The following MARCHF7 variants were observed in gnomAD, a reference collection of about 807,000 sequenced individuals.
The protein encoded by MARCHF7 is E3 ubiquitin-protein ligase MARCHF7.
A neutral mutation model predicts 76.5 loss-of-function variants in MARCHF7; 20 were observed. The observed-to-expected ratio is 0.26, with a 90% confidence interval of 0.18 to 0.38. MARCHF7 has a LOEUF of 0.38. Among genes scored for constraint, MARCHF7 ranks in the 10% least tolerant of loss-of-function variants. The probability of loss-of-function intolerance (pLI) is 1.00; values close to 1 mark genes in which losing one functional copy is unlikely to be tolerated. For missense variants in MARCHF7, 797 were observed against 812.9 expected (o/e 0.98, Z 0.24); for synonymous variants, 295 against 293.0 (o/e 1.01, Z -0.07).
chr2:159,728,960 G>T (rs754961652), intron 3 of MARCHF7, 49 bp from the exon 4 acceptor site: 2 of 1,209,400 alleles, frequency 1.7e-6, no homozygotes, highest in Non-Finnish European at 2.3e-6. Flanking sequence ...AAGCATTAAA[G>T]GCTTTCATAT....
chr2:159,765,261 G>A (rs560959543), intron 11 of MARCHF7, among the ~76,000 whole-genome samples: 87 of 151,552 alleles, frequency 5.7e-4, no homozygotes, highest in Non-Finnish European at 3.1e-4. Context: ...AGCCAGCTCT[G>A]CCAACAGCTC....
chr2:159,719,318 A>G (rs572367866), intron 3 of MARCHF7, among the ~76,000 whole-genome samples: 1 of 152,162 alleles, frequency 6.6e-6, no homozygotes, highest in African/African-American at 2.4e-5. Context: ...GCTGGAAGCC[A>G]CCACAACCAG....
At chr2:159,752,662 A>G in intron 8 of MARCHF7, 91 bp downstream of exon 8, 1 of 1,174,770 alleles carries the variant, frequency 8.5e-7, no homozygotes, top group Non-Finnish European at 1.2e-6. Flanking sequence ...TGTTGAATTT[A>G]GACTTTTAAC....
intron 3 of MARCHF7, among the ~76,000 whole-genome samples, chr2:159,724,592 A>G (rs1161154630): frequency 6.6e-6 from 1 of 152,172 alleles, no homozygotes; most frequent in Non-Finnish European, 1.5e-5. Context: ...ATTTCAGTAT[A>G]TCTCATTTTA....
At chr2:159,762,470 GA>G (rs1475201009) in intron 9 of MARCHF7, among the ~76,000 whole-genome samples, 2 of 152,046 alleles carry the variant, frequency 1.3e-5, no homozygotes, top group East Asian at 3.9e-4. Context: ...ATATTACACA[GA>G]AAAACACTTG....
chr2:159,755,046 C>G (rs1222337267), intron 8 of MARCHF7, among the ~76,000 whole-genome samples: 1 of 152,136 alleles, frequency 6.6e-6, no homozygotes, highest in African/African-American at 2.4e-5. Flanking sequence ...GGTCTTTTGC[C>G]AGGCAAATAT....
At chr2:159,733,382 G>A (rs1283865002) in intron 4 of MARCHF7, 1 of 447,618 alleles carries the variant, frequency 2.2e-6, no homozygotes, top group South Asian at 9.6e-5. Flanking sequence ...GAGAATACAG[G>A]TGTGCACACC....
At chr2:159,724,761 C>T (rs1701980314) in intron 3 of MARCHF7, among the ~76,000 whole-genome samples, 1 of 152,116 alleles carries the variant, frequency 6.6e-6, no homozygotes, top group African/African-American at 2.4e-5. Flanking sequence ...TATACATGTG[C>T]CATGTTGGTG....
intron 11 of MARCHF7, 50 bp from the exon 12 acceptor site, chr2:159,767,234 T>C: frequency 7.3e-7 from 1 of 1,362,784 alleles, no homozygotes; most frequent in Non-Finnish European, 1.0e-6. Flanking sequence ...ACACTTCCCA[T>C]TCTTATCCCC....
chr2:159,727,658 A>G (rs1702330784), intron 3 of MARCHF7, among the ~76,000 whole-genome samples: 1 of 152,242 alleles, frequency 6.6e-6, no homozygotes, highest in Non-Finnish European at 1.5e-5. Flanking sequence ...CCCAAGTGGA[A>G]ACAATCTAGC....
At chr2:159,715,946 C>A (rs180834439) in intron 3 of MARCHF7, among the ~76,000 whole-genome samples, 180 bp downstream of exon 3, 133 of 152,248 alleles carry the variant, frequency 8.7e-4, no homozygotes, top group African/African-American at 3.1e-3. Flanking sequence ...TACTTAAGAT[C>A]GAAACTTGAT....
intron 3 of MARCHF7, among the ~76,000 whole-genome samples, chr2:159,716,604 C>CT (rs1172280770): frequency 6.6e-6 from 1 of 151,910 alleles, no homozygotes; most frequent in Non-Finnish European, 1.5e-5. Context: ...GATTGCACCA[C>CT]TGCACTCTGG....
rs1405506049 is a variant in MARCHF7, at chr2:159,748,775, T to C, written c.1485T>C (p.Asn495=). 1 of 1,614,176 alleles carries C rather than the reference T, an allele frequency of 6.2e-7. No homozygotes were observed. The highest frequency in any genetic ancestry group is 8.5e-7 in the Non-Finnish European group (1 of 1,180,036). Residue 495 remains asparagine (N), a synonymous_variant, in exon 7 of 12, where the codon AAT becomes AAC. Transcript: ENST00000409175. ...CAGTCCCTCCAGCACTTGGGAGTAA[T>C]TTGACCGACAATGTCATGATCACAG... is the stretch of plus-strand genomic sequence containing the variant. ...RFAVPPALGS[N]LTDNVMITVD...
intron 10 of MARCHF7, among the ~76,000 whole-genome samples, chr2:159,763,348 A>G (rs1163856256): frequency 6.6e-6 from 1 of 152,228 alleles, no homozygotes; most frequent in Non-Finnish European, 1.5e-5. Flanking sequence ...GAACTCCAAA[A>G]GCCAAAGAGT....
At chr2:159,756,887 G>GGGAGTTAGTTTGTT (rs2125678801) in intron 8 of MARCHF7, among the ~76,000 whole-genome samples, 1 of 135,400 alleles carries the variant, frequency 7.4e-6, no homozygotes, top group East Asian at 2.2e-4. Context: ...TAAATTAAAT[G>GGGAGTTAGTTTGTT]GGAGTTAGTT....
chr2:159,719,080 A>G (rs562600230), intron 3 of MARCHF7, among the ~76,000 whole-genome samples: 5 of 152,210 alleles, frequency 3.3e-5, no homozygotes, highest in South Asian at 4.1e-4. Context: ...GGCTCAGGCA[A>G]TTCTCCTACC....
intron 10 of MARCHF7, among the ~76,000 whole-genome samples, chr2:159,764,257 C>CGT (rs4027298): frequency 0.027 from 3,246 of 119,892 alleles, 164 homozygotes; most frequent in African/African-American, 0.11. Context: ...TGTGTGTGTG[C>CGT]GCGCGCCCAC....
chr2:159,738,728 G>C (rs1463421464), intron 4 of MARCHF7, among the ~76,000 whole-genome samples: 1 of 152,206 alleles, frequency 6.6e-6, no homozygotes, highest in Non-Finnish European at 1.5e-5. Context: ...GAGGCAATGG[G>C]TGGGCCTGGG....
intron 4 of MARCHF7, among the ~76,000 whole-genome samples, chr2:159,734,951 C>T (rs1338467466): frequency 1.3e-5 from 2 of 152,048 alleles, no homozygotes; most frequent in South Asian, 4.1e-4. Flanking sequence ...AATTGCACTC[C>T]AGCTTGGGTG....
Sources: gnomAD v4.1 joint callset for allele counts (sites outside exome capture counted in the v4.1 genomes callset) on GRCh38, gnomAD v4.1.1 for gene constraint, MANE v1.5 for transcripts, NCBI Gene and HGNC (gene_info 2026-07-23, HGNC 2026-07-21) for gene names.